Variants in OTOGL observed in about 807,000 individuals in gnomAD.
OTOGL encodes the protein otogelin-like protein.
OTOGL carries 285 observed loss-of-function variants against 318.5 expected under a neutral mutation model. The ratio of observed to expected loss-of-function variants is 0.89; its 90% CI spans 0.81 to 0.99. OTOGL has a LOEUF of 0.99. Among genes scored for constraint, OTOGL ranks in the 50% least tolerant of loss-of-function variants. The pLI is 0.00. For synonymous variants in OTOGL, 987 were observed against 936.5 expected, an observed-to-expected ratio of 1.05 and a Z score of -0.99; for missense variants, 2,899 against 2,845.6, an observed-to-expected ratio of 1.02 and a Z score of -0.43.
chr12:80,365,051 G>T (rs1192834696), intron 52 of OTOGL, among the ~76,000 whole-genome samples: 1 of 152,058 alleles, frequency 6.6e-6, no homozygotes, highest in African/African-American at 2.4e-5. Flanking sequence ...TACACTACTG[G>T]TGGCAGTGTA....
chr12:80,352,776 C>G (rs1371640395), intron 45 of OTOGL, among the ~76,000 whole-genome samples: 1 of 152,160 alleles, frequency 6.6e-6, no homozygotes, highest in Non-Finnish European at 1.5e-5. Flanking sequence ...ATTTATAACC[C>G]CACCATCTGA....
rs567192651 is a variant in OTOGL, at chr12:80,174,355, C to T, written c.-19-35058C>T. ...AGTTTTCGAAACAGAATTTTTCTCT[C>T]GCCAGTCTCCCATTTTTACTAAAGA... On this transcript the variant is annotated intron_variant, in intron 1 of 58. Transcript: ENST00000547103. 3.5e-4 allele frequency among the ~76,000 whole-genome samples: 53 copies of T among 152,230 alleles called. 1 individual carries two copies. The highest frequency in any genetic ancestry group is 1.5e-3 in the Admixed American group (23 of 15,276).
At chr12:80,123,848 A>T (rs1412795156) in intron 1 of OTOGL, among the ~76,000 whole-genome samples, 1 of 151,654 alleles carries the variant, frequency 6.6e-6, no homozygotes, top group African/African-American at 2.4e-5. Flanking sequence ...TTTGAGAAGT[A>T]TCTGTTCATA....
intron 19 of OTOGL, among the ~76,000 whole-genome samples, chr12:80,263,314 T>C (rs906180616): frequency 2.0e-5 from 3 of 152,158 alleles, no homozygotes; most frequent in Admixed American, 1.3e-4. Context: ...CTTGGTTTCC[T>C]CCTGGATATT....
intron 32 of OTOGL, among the ~76,000 whole-genome samples, chr12:80,316,958 A>T (rs548087456): frequency 6.6e-6 from 1 of 152,302 alleles, no homozygotes; most frequent in African/African-American, 2.4e-5. Context: ...AAGCACATAC[A>T]TAAATAAGTA....
chr12:80,351,440 G>T (rs112331988), intron 44 of OTOGL, among the ~76,000 whole-genome samples: 13,571 of 151,816 alleles, frequency 0.089, 670 homozygotes, highest in East Asian at 0.17. Flanking sequence ...CTCAGCCTCT[G>T]GAGTAGCTGG....
At position 80,374,957 on chromosome 12, in the gene OTOGL, G is replaced by C. The variant is rs2717476; in HGVS notation, c.6782-2166G>C. ...ACAGATGAGAAATAGAAGGTTCAGA[G>C]AGAAGCTGATCATAGTAGTAAATAA... On this transcript the variant is annotated intron_variant, in intron 57 of 58. Coordinates refer to ENST00000547103, the MANE Select transcript of OTOGL (RefSeq NM_001378609.3). Among the ~76,000 whole-genome samples, 618 of 152,290 alleles carry C rather than the reference G, an allele frequency of 4.1e-3. 5 individuals carry two copies. The highest frequency in any genetic ancestry group is 0.014 in the African/African-American group (585 of 41,566).
chr12:80,163,063 A>G (rs1873622336), intron 1 of OTOGL, among the ~76,000 whole-genome samples: 1 of 152,114 alleles, frequency 6.6e-6, no homozygotes, highest in African/African-American at 2.4e-5. Flanking sequence ...ATACATCATA[A>G]TTATCTATCT....
intron 1 of OTOGL, among the ~76,000 whole-genome samples, chr12:80,171,705 G>GT (rs1168812548): frequency 2.6e-5 from 4 of 151,910 alleles, no homozygotes; most frequent in Non-Finnish European, 5.9e-5. Flanking sequence ...CTTCTCCTGG[G>GT]TTTTTTATTG....
intron 1 of OTOGL, among the ~76,000 whole-genome samples, chr12:80,183,617 A>C (rs576836071): frequency 1.1e-3 from 163 of 152,328 alleles, no homozygotes; most frequent in Middle Eastern, 3.4e-3. Flanking sequence ...AAAGCCATAG[A>C]CTTCATAGTC....
chr12:80,181,598 T>C (rs1381090207), intron 1 of OTOGL, among the ~76,000 whole-genome samples: 4 of 152,148 alleles, frequency 2.6e-5, no homozygotes. Flanking sequence ...TGGAGTATCA[T>C]AGGTGTTTTC....
intron 29 of OTOGL, among the ~76,000 whole-genome samples, chr12:80,307,408 C>A (rs1018517136): frequency 3.7e-4 from 56 of 151,278 alleles, no homozygotes; most frequent in Non-Finnish European, 7.4e-4. Flanking sequence ...CCCTCACCTC[C>A]CGGACGGGGC....
At chr12:80,277,136 A>C in intron 24 of OTOGL, among the ~76,000 whole-genome samples, 1 of 147,750 alleles carries the variant, frequency 6.8e-6, no homozygotes, top group South Asian at 2.1e-4. Flanking sequence ...TATTTAAGTA[A>C]ATTAAATTAT....
chr12:80,321,354 C>A (rs1312590454), intron 34 of OTOGL, among the ~76,000 whole-genome samples: 2 of 152,098 alleles, frequency 1.3e-5, no homozygotes, highest in Non-Finnish European at 2.9e-5. Context: ...TCCTTGTGAA[C>A]CCTCCTAAAG....
chr12:80,202,072 G>C (rs1026828218), intron 1 of OTOGL, among the ~76,000 whole-genome samples: 6 of 152,048 alleles, frequency 3.9e-5, no homozygotes, highest in Non-Finnish European at 7.4e-5. Flanking sequence ...AAGTTTCCCT[G>C]ACTCCCACCA....
chr12:80,209,799 A>G (rs1366083588), intron 2 of OTOGL, among the ~76,000 whole-genome samples: 1 of 152,046 alleles, frequency 6.6e-6, no homozygotes, highest in Non-Finnish European at 1.5e-5. Context: ...TTTTTAAATG[A>G]CTGGTTAAAA....
chr12:80,318,617 A>G lies in OTOGL; in HGVS notation c.3706A>G (p.Ser1236Gly), dbSNP rs1204667278. 1 of 1,472,306 alleles carries G rather than the reference A, an allele frequency of 6.8e-7. No individual in the cohort carries two copies. The highest frequency in any genetic ancestry group is 1.4e-5 in the South Asian group (1 of 69,302). The allele number at this position is 1,472,306 out of a possible 1,614,324, so 91.2% of individuals were successfully genotyped here. A position where few individuals can be genotyped will look rare whatever the true frequency, so the allele number is the denominator to read the frequency against. Residue 1236 changes from serine to glycine, a missense_variant, in exon 33 of 59, where the codon AGC becomes GGC. Physicochemically the swap from Ser to Gly is moderately conservative, Grantham distance 56 (BLOSUM62 0). Transcript: ENST00000547103. ...SGLVLGANMT[S>G]RSVFCLPRSS... is the part of the protein sequence containing the mutation. ...CCTTGTTCTGGGGGCCAATATGACC[A>G]GCAGAAGCGTTTTCTGTTTGCCGAG...
At chr12:80,175,026 C>A (rs1393757426) in intron 1 of OTOGL, among the ~76,000 whole-genome samples, 1 of 151,560 alleles carries the variant, frequency 6.6e-6, no homozygotes, top group African/African-American at 2.4e-5. Context: ...GCAAAGAATG[C>A]AGAAGGGTGT....
At chr12:80,250,667 C>T (rs1352887510) in intron 11 of OTOGL, among the ~76,000 whole-genome samples, 1 of 152,186 alleles carries the variant, frequency 6.6e-6, no homozygotes, top group Non-Finnish European at 1.5e-5. Context: ...AGATAAGCTG[C>T]AGGACTCCCA....
Sources: allele counts gnomAD v4.1 joint callset (sites outside exome capture counted in the v4.1 genomes callset), GRCh38; gene constraint gnomAD v4.1.1; transcripts MANE v1.5; gene names NCBI Gene and HGNC (gene_info 2026-07-23, HGNC 2026-07-21).